The following RPL35 variants were observed in gnomAD, a reference collection of about 807,000 sequenced individuals.
The protein encoded by RPL35 is large ribosomal subunit protein uL29.
Under a neutral mutation model 15.6 loss-of-function variants are expected in RPL35, and 2 were observed. The observed-to-expected ratio is 0.13, with a 90% CI of 0.05 to 0.40. RPL35 has a LOEUF of 0.40. Among genes scored for constraint, RPL35 ranks in the 10% least tolerant of loss-of-function variants. RPL35 has a pLI of 0.99. For synonymous variants in RPL35, 93 were observed against 67.9 expected, an observed-to-expected ratio of 1.37 and a Z score of -1.82; for missense variants, 111 against 164.7, an observed-to-expected ratio of 0.67 and a Z score of 1.79.
Position 124,859,861 on chromosome 9 carries a change from T to A in RPL35, c.222+322A>T, listed in dbSNP as rs1267338229. 2.0e-5 allele frequency among the ~76,000 whole-genome samples: 3 copies of A among 151,842 alleles called. No homozygotes were observed. In the East Asian group the frequency reaches 5.8e-4, roughly 29 times the overall value. Reference sequence around the variant, plus strand: ...GGCAGGGACTGACACCCAGTGCCAGTAAGAGGCAGTGAAAACCTTCAACAG... The same window carrying A: ...GGCAGGGACTGACACCCAGTGCCAGAAAGAGGCAGTGAAAACCTTCAACAG... On this transcript the variant is annotated intron_variant, in intron 3 of 3. Transcript: ENST00000348462.
Position 124,860,263 on chromosome 9 carries a change from G to C in RPL35, c.142C>G (p.Arg48Gly). Residue 48 changes from arginine (R) to glycine (G), a missense_variant and splice_region_variant, in exon 3 of 4, where the codon CGA becomes GGA. Transcript: ENST00000348462. Reference sequence around the variant, plus strand: ...CGGGCAATGGATTTCCGGACGACTCGGCTACAAAACAGAGATGTCAGTGAA... The same window carrying C: ...CGGGCAATGGATTTCCGGACGACTCCGCTACAAAACAGAGATGTCAGTGAA... ...GGAASKLSKI[R>G]VVRKSIARVL... 1 of 1,613,226 alleles carries C rather than the reference G, an allele frequency of 6.2e-7. No individual in the cohort carries two copies. The highest frequency in any genetic ancestry group is 8.5e-7 in the Non-Finnish European group (1 of 1,179,180).
intron 3 of RPL35, among the ~76,000 whole-genome samples, chr9:124,859,164 C>A (rs971101937): frequency 6.6e-6 from 1 of 152,220 alleles, no homozygotes; most frequent in African/African-American, 2.4e-5. Flanking sequence ...GCTAACATAG[C>A]CACACTATGG....
At chr9:124,860,320 T>C (rs1327761535) in intron 2 of RPL35, 56 bp from the exon 3 acceptor site, 1 of 1,410,616 alleles carries the variant, frequency 7.1e-7, no homozygotes. Flanking sequence ...TACCCAAGAC[T>C]CAGGACTCAC....
chr9:124,861,620 C>T (rs1671774130), intron 1 of RPL35, 65 bp from the exon 2 acceptor site: 2 of 1,582,396 alleles, frequency 1.3e-6, no homozygotes, highest in African/African-American at 2.7e-5. Context: ...CCTGCGTGGC[C>T]AGCCCCCAAA....
rs1039367908 is a variant in RPL35, at chr9:124,860,260, C to T, written c.145G>A (p.Val49Ile). Residue 49 changes from valine to isoleucine, a missense_variant, in exon 3 of 4, where the codon GTC becomes ATC. Val to Ile is a conservative substitution (Grantham distance 29). Coordinates refer to ENST00000348462, the MANE Select transcript of RPL35 (RefSeq NM_007209.4). ...ACACGGGCAATGGATTTCCGGACGA[C>T]TCGGCTACAAAACAGAGATGTCAGT... ...GAASKLSKIR[V>I]VRKSIARVLT... 13 of 1,613,598 alleles carry T rather than the reference C, an allele frequency of 8.1e-6. No homozygotes were observed. The highest frequency in any genetic ancestry group is 1.1e-5 in the Non-Finnish European group (13 of 1,179,594).
rs1414200599 is a variant in RPL35, at chr9:124,858,145, G to A, written c.223-78C>T. ...GCAGCAGCTAAGGGGGCTGGGGAGGGCCATCCAGAGCCACTCAGGAGGAGG... is the reference window on the plus strand; with the variant it reads ...GCAGCAGCTAAGGGGGCTGGGGAGGACCATCCAGAGCCACTCAGGAGGAGG... On this transcript the variant is annotated intron_variant, in intron 3 of 3. Coordinates refer to ENST00000348462, the MANE Select transcript of RPL35 (RefSeq NM_007209.4). 4.8e-6 allele frequency: 7 copies of A among 1,451,204 alleles called. No individual in the cohort carries two copies. The African/African-American group carries it at 9.8e-5, about 20-fold the overall frequency. The allele number at this position is 1,451,204 out of a possible 1,614,324, so 89.9% of individuals were successfully genotyped here. A position where few individuals can be genotyped will look rare whatever the true frequency, so the allele number is the denominator to read the frequency against.
intron 2 of RPL35, chr9:124,861,096 T>G (rs1829189497): frequency 3.3e-6 from 1 of 304,540 alleles, no homozygotes; most frequent in Admixed American, 4.9e-5. Context: ...TAAAATAACT[T>G]ACGCTGCCAC....
chr9:124,860,922 C>T (rs992857366), intron 2 of RPL35: 1 of 159,248 alleles, frequency 6.3e-6, no homozygotes, highest in African/African-American at 2.4e-5. Context: ...CCTCCCAACT[C>T]CTGGGCTCAA....
At chr9:124,859,754 G>C (rs987817535) in intron 3 of RPL35, among the ~76,000 whole-genome samples, 1 of 152,170 alleles carries the variant, frequency 6.6e-6, no homozygotes, top group Non-Finnish European at 1.5e-5. Context: ...GGTAAGGTTT[G>C]GAACCAGGGC....
chr9:124,859,141 T>C lies in RPL35; in HGVS notation c.222+1042A>G, dbSNP rs1337686010. Reference sequence around the variant, plus strand: ...TTTACTTTTGCCACACACGTGCTAGTGTCCCCTGAACAGCTAACATAGCCA... The same window carrying C: ...TTTACTTTTGCCACACACGTGCTAGCGTCCCCTGAACAGCTAACATAGCCA... On this transcript the variant is annotated intron_variant, in intron 3 of 3. Coordinates refer to ENST00000348462, the MANE Select transcript of RPL35 (RefSeq NM_007209.4). 1.3e-5 allele frequency among the ~76,000 whole-genome samples: 2 copies of C among 152,238 alleles called. 1 individual carries two copies. The highest frequency in any genetic ancestry group is 1.3e-4 in the Admixed American group (2 of 15,284).
In RPL35 at chr9:124,861,408, G is replaced by A. The variant is rs779768273; in HGVS notation, c.140+11C>T. 8.7e-6 allele frequency: 14 copies of A among 1,607,394 alleles called. No individual in the cohort carries two copies. Among genetic ancestry groups the A allele is most frequent in the Admixed American group, 1.7e-5 (1 of 59,326 alleles). ...CACCCACGAGGGCTGTGATCCGGCC[G>A]CCTCACTTACATCTTAGAGAGCTTG... On this transcript the variant is annotated intron_variant, in intron 2 of 3. Transcript: ENST00000348462.
At chr9:124,860,324 G>A in intron 2 of RPL35, 60 bp from the exon 3 acceptor site, 1 of 1,363,286 alleles carries the variant, frequency 7.3e-7, no homozygotes, top group Non-Finnish European at 1.1e-6. Context: ...CAAGACTCAG[G>A]ACTCACACAT....
chr9:124,861,295 G>T, intron 2 of RPL35, 124 bp downstream of exon 2: 4 of 1,246,944 alleles, frequency 3.2e-6, no homozygotes, highest in Admixed American at 2.1e-5. Context: ...TCCCATGCGC[G>T]CCAGGATGCA....
intron 2 of RPL35, 28 bp downstream of exon 2, chr9:124,861,391 A>G (rs753867495): frequency 1.2e-6 from 2 of 1,600,522 alleles, no homozygotes; most frequent in African/African-American, 1.3e-5. Context: ...CCCACCCACG[A>G]GGGCTGTGAT....
Position 124,857,996 on chromosome 9 carries a change from G to A in RPL35, c.294C>T (p.His98=), listed in dbSNP as rs192683197. Residue 98 remains histidine (H), a synonymous_variant, in exon 4 of 4, where the codon CAC becomes CAT. Coordinates refer to ENST00000348462, the MANE Select transcript of RPL35 (RefSeq NM_007209.4). The stretch of plus-strand genomic sequence containing the variant: ...GCTTCTTGGTCTTCAGGTTCTCCTC[G>A]TGCTTGTTGAGCCGGCGGCGCATGG... ...TRAMRRRLNK[H]EENLKTKKQQ... is the part of the protein sequence containing the mutation. 30 of 1,612,210 alleles carry A rather than the reference G, an allele frequency of 1.9e-5. No homozygotes were observed. Among genetic ancestry groups the A allele is most frequent in the African/African-American group, 1.3e-4 (10 of 74,972 alleles).
intron 2 of RPL35, 123 bp downstream of exon 2, chr9:124,861,296 C>T: frequency 4.7e-6 from 6 of 1,271,536 alleles, no homozygotes; most frequent in Non-Finnish European, 6.6e-6. Context: ...CCCATGCGCG[C>T]CAGGATGCAC....
At chr9:124,861,849 C>A in intron 1 of RPL35, 61 bp downstream of exon 1, 2 of 1,592,006 alleles carry the variant, frequency 1.3e-6, no homozygotes, top group Non-Finnish European at 1.7e-6. Flanking sequence ...CAGCCCGCAC[C>A]GCCTTCCCCA....
At chr9:124,859,358 T>C (rs1829160737) in intron 3 of RPL35, among the ~76,000 whole-genome samples, 1 of 152,180 alleles carries the variant, frequency 6.6e-6, no homozygotes, top group Admixed American at 6.5e-5. Context: ...ACAATTTGGG[T>C]AGTGATGTGG....
At chr9:124,858,303 C>T in intron 3 of RPL35, 1 of 617,012 alleles carries the variant, frequency 1.6e-6, no homozygotes, top group Non-Finnish European at 3.0e-6. Context: ...CAAGTCTTGG[C>T]AAAGCTGTGG....
Sources: allele counts gnomAD v4.1 joint callset (sites outside exome capture counted in the v4.1 genomes callset), GRCh38; gene constraint gnomAD v4.1.1; transcripts MANE v1.5; gene names NCBI Gene and HGNC (gene_info 2026-07-23, HGNC 2026-07-21).